The following PTER variants were observed in gnomAD, a reference collection of about 807,000 sequenced individuals.
PTER encodes N-acetyltaurine hydrolase.
PTER carries 38 observed loss-of-function variants against 29.6 expected under a neutral mutation model. The ratio of observed to expected loss-of-function variants is 1.28; its 90% confidence interval spans 0.99 to 1.68. The LOEUF (loss-of-function observed/expected upper bound fraction) is 1.68, where lower values mean the gene tolerates loss of function less well. Ranked by LOEUF, PTER falls within the 40% of genes most tolerant of loss-of-function variation. The pLI is 0.00. For missense variants in PTER, 482 were observed against 427.8 expected (o/e 1.13, Z -1.12); for synonymous variants, 172 against 154.5 (o/e 1.11, Z -0.84).
intron 1 of PTER, among the ~76,000 whole-genome samples, chr10:16,472,302 T>C (rs2133419299): frequency 6.6e-6 from 1 of 152,362 alleles, no homozygotes; most frequent in South Asian, 2.1e-4. Context: ...GAATCATGTA[T>C]GCCTCATACG....
Position 16,484,695 on chromosome 10 carries a change from G to A in PTER, c.311G>A (p.Ser104Asn). 6.2e-7 allele frequency: 1 copy of A among 1,614,130 alleles called. No homozygotes were observed. Among genetic ancestry groups the A allele is most frequent in the East Asian group, 2.2e-5 (1 of 44,884 alleles). The change falls in exon 2 of 5, where the codon AGC becomes AAC. Residue 104 changes from serine (S) to asparagine (N), a missense_variant. Ser to Asn is a conservative substitution (Grantham distance 46). Coordinates refer to ENST00000535784, the MANE Select transcript of PTER (RefSeq NM_001261836.2). The part of the protein sequence containing the change: ...ALVENTTTGI[S>N]RDTQTLKRLA... ...GTGGAAAACACAACCACTGGGATTAGCCGAGACACACAGACGTTGAAGAGG... is the reference window on the plus strand; with the variant it reads ...GTGGAAAACACAACCACTGGGATTAACCGAGACACACAGACGTTGAAGAGG...
At chr10:16,448,089 C>G (rs1222882191) in intron 1 of PTER, among the ~76,000 whole-genome samples, 1 of 152,170 alleles carries the variant, frequency 6.6e-6, no homozygotes, top group Non-Finnish European at 1.5e-5. Flanking sequence ...CGTTCAGTTT[C>G]TACCAAAGCC....
intron 3 of PTER, among the ~76,000 whole-genome samples, chr10:16,488,765 G>A (rs1835794382): frequency 6.6e-6 from 1 of 151,964 alleles, no homozygotes; most frequent in Non-Finnish European, 1.5e-5. Context: ...CTCCACACCT[G>A]GCTAATTTTT....
At chr10:16,510,340 CTTATTATTTTA>C in intron 4 of PTER, among the ~76,000 whole-genome samples, 1 of 152,262 alleles carries the variant, frequency 6.6e-6, no homozygotes, top group Non-Finnish European at 1.5e-5. Flanking sequence ...AAAGGAACAG[CTTATTATTTTA>C]GCAATCTTGC....
At chr10:16,504,723 C>T (rs1035722107) in intron 3 of PTER, among the ~76,000 whole-genome samples, 2 of 152,160 alleles carry the variant, frequency 1.3e-5, no homozygotes, top group Non-Finnish European at 2.9e-5. Flanking sequence ...GAACACAGTT[C>T]TGAGGGAGAA....
intron 1 of PTER, among the ~76,000 whole-genome samples, chr10:16,469,990 T>A (rs552788378): frequency 6.6e-6 from 1 of 152,124 alleles, no homozygotes; most frequent in African/African-American, 2.4e-5. Flanking sequence ...AATTACCGAG[T>A]GCTGGGCTTG....
intron 1 of PTER, among the ~76,000 whole-genome samples, chr10:16,483,717 A>G (rs756692749): frequency 6.6e-6 from 1 of 152,122 alleles, no homozygotes; most frequent in Non-Finnish European, 1.5e-5. Context: ...TTGGTGACAC[A>G]TGCGTGTAGT....
At chr10:16,510,754 C>T (rs1836778058) in intron 4 of PTER, among the ~76,000 whole-genome samples, 1 of 152,178 alleles carries the variant, frequency 6.6e-6, no homozygotes, top group Non-Finnish European at 1.5e-5. Context: ...TTCATCCAAA[C>T]TGGCACATCC....
chr10:16,442,165 C>T (rs1162469887), intron 1 of PTER, among the ~76,000 whole-genome samples: 1 of 152,200 alleles, frequency 6.6e-6, no homozygotes, highest in Non-Finnish European at 1.5e-5. Flanking sequence ...CTTGGTGTTA[C>T]TGTGTACCCA....
At chr10:16,447,554 A>G (rs1041161821) in intron 1 of PTER, among the ~76,000 whole-genome samples, 2 of 152,100 alleles carry the variant, frequency 1.3e-5, no homozygotes, top group African/African-American at 4.8e-5. Context: ...TAACATAACA[A>G]TTTCACATTA....
intron 3 of PTER, among the ~76,000 whole-genome samples, chr10:16,488,503 T>G (rs961712020): frequency 6.6e-6 from 1 of 152,160 alleles, no homozygotes; most frequent in African/African-American, 2.4e-5. Flanking sequence ...ATTCTGCAGT[T>G]ATTATACAGT....
chr10:16,500,582 A>G (rs1238515542), intron 3 of PTER, among the ~76,000 whole-genome samples: 2 of 152,280 alleles, frequency 1.3e-5, no homozygotes, highest in Non-Finnish European at 2.9e-5. Flanking sequence ...ACATGTGTGG[A>G]TGAATCTTAT....
intron 1 of PTER, among the ~76,000 whole-genome samples, chr10:16,449,442 T>TTG (rs1166251521): frequency 6.8e-6 from 1 of 147,128 alleles, no homozygotes; most frequent in East Asian, 2.0e-4. Context: ...TTTTTTTTTT[T>TTG]TTTTTTTGAG....
intron 3 of PTER, among the ~76,000 whole-genome samples, chr10:16,500,667 G>C (rs978051968): frequency 6.6e-6 from 1 of 152,190 alleles, no homozygotes; most frequent in Non-Finnish European, 1.5e-5. Context: ...TTATAACGTA[G>C]GTAACATTTA....
intron 1 of PTER, among the ~76,000 whole-genome samples, chr10:16,450,034 C>T (rs1834150036): frequency 6.6e-6 from 1 of 152,156 alleles, no homozygotes; most frequent in African/African-American, 2.4e-5. Flanking sequence ...TCAGGCTGAT[C>T]CAACTTTATG....
At chr10:16,499,064 C>T (rs17138741) in intron 3 of PTER, among the ~76,000 whole-genome samples, 1 of 152,166 alleles carries the variant, frequency 6.6e-6, no homozygotes, top group South Asian at 2.1e-4. Context: ...ACGGCCTCAA[C>T]ACAAAAGCAG....
chr10:16,498,871 A>C (rs1037184573), intron 3 of PTER, among the ~76,000 whole-genome samples: 1 of 152,232 alleles, frequency 6.6e-6, no homozygotes, highest in Non-Finnish European at 1.5e-5. Flanking sequence ...GAAGCCATCC[A>C]GCTGAATGTC....
At chr10:16,463,600 G>A (rs1834703364) in intron 1 of PTER, among the ~76,000 whole-genome samples, 1 of 151,666 alleles carries the variant, frequency 6.6e-6, no homozygotes, top group African/African-American at 2.4e-5. Context: ...ATTTTTAGTA[G>A]AGACACGGTT....
At chr10:16,496,930 T>C (rs1836128534) in intron 3 of PTER, among the ~76,000 whole-genome samples, 1 of 147,920 alleles carries the variant, frequency 6.8e-6, no homozygotes, top group Non-Finnish European at 1.5e-5. Context: ...GGTGGTTCTC[T>C]GGATTTTTTT....
Sources: allele counts gnomAD v4.1 joint callset (sites outside exome capture counted in the v4.1 genomes callset), GRCh38; gene constraint gnomAD v4.1.1; transcripts MANE v1.5; gene names NCBI Gene and HGNC (gene_info 2026-07-23, HGNC 2026-07-21).